The following AHCTF1 variants were observed in gnomAD, a reference collection of about 807,000 sequenced individuals.
AHCTF1 encodes AT-hook containing transcription factor 1, also known as protein ELYS.
In AHCTF1, 24 loss-of-function variants were observed where a neutral mutation model predicts 248.4. The observed-to-expected ratio is 0.10, with a 90% confidence interval of 0.07 to 0.14. AHCTF1 has a LOEUF of 0.14. AHCTF1 is among the 10% of genes least tolerant of loss of function. The pLI, the probability that AHCTF1 is intolerant of heterozygous loss-of-function variation, is 1.00. For synonymous variants in AHCTF1, 786 were observed against 929.8 expected, an observed-to-expected ratio of 0.85 and a Z score of 2.81; for missense variants, 2,206 against 2,636.2, an observed-to-expected ratio of 0.84 and a Z score of 3.57.
chr1:246,865,755 A>G (rs1006648672), intron 26 of AHCTF1, among the ~76,000 whole-genome samples: 2 of 80,634 alleles, frequency 2.5e-5, no homozygotes, highest in Non-Finnish European at 4.1e-5. Context: ...AATAGTTTAA[A>G]GGTTCTGAGA....
Position 246,839,595 on chromosome 1 carries a change from A to G in AHCTF1, c.*1211T>C. On this transcript the variant is annotated 3_prime_UTR_variant, in exon 36 of 36. Coordinates refer to ENST00000648844, the MANE Select transcript of AHCTF1 (RefSeq NM_001323342.2). ...AACACTTTGCGTAGGCATTTTCACC[A>G]ATTTCTCATTATCTGTATTATTTGG... The G allele has an allele frequency of 1.0e-6, 1 of 985,122 alleles. No individual in the cohort carries two copies. Among genetic ancestry groups the G allele is most frequent in the Non-Finnish European group, 1.2e-6 (1 of 829,248 alleles). 61.0% of individuals were successfully genotyped at this position (985,122 alleles called of 1,614,324 possible). A position where few individuals can be genotyped will look rare whatever the true frequency, so the allele number is the denominator to read the frequency against.
In AHCTF1 at chr1:246,887,330, A is replaced by G; in HGVS notation, c.2353T>C (p.Tyr785His). The change falls in exon 20 of 36, where the codon TAT becomes CAT. Residue 785 changes from tyrosine (Y) to histidine (H), a missense_variant. Transcript: ENST00000648844. ...ITIYLLLDIM[Y>H]SFPNKTDTPI... ...GTGTCTGTTTTGTTGGGAAAGGAATACATAATATCAAGTAGCAAATAAATG... is the reference window on the plus strand; with the variant it reads ...GTGTCTGTTTTGTTGGGAAAGGAATGCATAATATCAAGTAGCAAATAAATG... 5 of 1,611,560 alleles carry G rather than the reference A, an allele frequency of 3.1e-6. No individual in the cohort carries two copies. Among genetic ancestry groups the G allele is most frequent in the Middle Eastern group, 1.7e-4 (1 of 6,050 alleles).
chr1:246,906,685 T>C (rs1359786461), intron 5 of AHCTF1, among the ~76,000 whole-genome samples: 1 of 152,070 alleles, frequency 6.6e-6, no homozygotes, highest in Admixed American at 6.6e-5. Context: ...CCAGTATGCC[T>C]CAGGAAAAAT....
At chr1:246,931,157 A>G in intron 1 of AHCTF1, 2 of 1,550,232 alleles carry the variant, frequency 1.3e-6, no homozygotes, top group Non-Finnish European at 1.7e-6. Context: ...CATGTGGAAC[A>G]CACGCCAACA....
At chr1:246,860,809 G>A (rs185059329) in intron 29 of AHCTF1, 90 bp downstream of exon 29, 89 of 1,503,654 alleles carry the variant, frequency 5.9e-5, no homozygotes, top group Non-Finnish European at 7.5e-5. Context: ...ACCTGGCTAG[G>A]ATGCTTTTCT....
chr1:246,860,897 A>G lies in AHCTF1; in HGVS notation c.4132+2T>C, dbSNP rs1333134370. On this transcript the variant is annotated splice_donor_variant, in intron 29 of 35. Coordinates refer to ENST00000648844, the MANE Select transcript of AHCTF1 (RefSeq NM_001323342.2). LOFTEE classifies it high-confidence loss of function. ...TTTGAGTATTCAGAAATGAGTTCTT[A>G]CCCATTTGTTTCTGTAGGTCTGAAG... is the stretch of plus-strand genomic sequence containing the variant. 3 of 1,606,304 alleles carry G rather than the reference A, an allele frequency of 1.9e-6. No individual in the cohort carries two copies. The South Asian group carries it at 3.3e-5, about 18-fold the overall frequency.
In AHCTF1 at chr1:246,840,303, A is replaced by G. The variant is rs1195220394; in HGVS notation, c.*503T>C. On this transcript the variant is annotated 3_prime_UTR_variant, in exon 36 of 36. Coordinates refer to ENST00000648844, the MANE Select transcript of AHCTF1 (RefSeq NM_001323342.2). Reference sequence around the variant, plus strand: ...GGCAAAATGACATGCCCATAATTCAATTTTAACATAGTAACAGCCAAAAAC... The same window carrying G: ...GGCAAAATGACATGCCCATAATTCAGTTTTAACATAGTAACAGCCAAAAAC... 2.6e-5 allele frequency: 4 copies of G among 152,682 alleles called. No individual in the cohort carries two copies. The South Asian group carries it at 8.3e-4, about 32-fold the overall frequency. The allele number at this position is 152,682 out of a possible 1,614,324, so 9.5% of individuals were successfully genotyped here.
intron 33 of AHCTF1, among the ~76,000 whole-genome samples, chr1:246,848,870 C>G (rs1277793694): frequency 2.8e-5 from 4 of 141,386 alleles, no homozygotes; most frequent in African/African-American, 1.2e-4. Context: ...CACAAACCCC[C>G]TACATTTTGT....
At chr1:246,868,411 G>A (rs1662190407) in intron 24 of AHCTF1, among the ~76,000 whole-genome samples, 3 of 143,672 alleles carry the variant, frequency 2.1e-5, no homozygotes, top group Admixed American at 6.7e-5. Flanking sequence ...GTGAGCCACT[G>A]CGCCTGGCAA....
chr1:246,913,181 A>C (rs2103214374), intron 4 of AHCTF1, 51 bp downstream of exon 4: 1 of 1,441,276 alleles, frequency 6.9e-7, no homozygotes, highest in Middle Eastern at 2.7e-4. Flanking sequence ...AAAATATTGC[A>C]TCAGAATATC....
chr1:246,914,810 G>A (rs1355850603), intron 3 of AHCTF1, among the ~76,000 whole-genome samples: 1 of 152,058 alleles, frequency 6.6e-6, no homozygotes, highest in Non-Finnish European at 1.5e-5. Context: ...ACCAGTTCAG[G>A]AACCTTGTTT....
intron 5 of AHCTF1, 82 bp downstream of exon 5, chr1:246,907,469 A>C (rs1665474141): frequency 8.0e-7 from 1 of 1,250,180 alleles, no homozygotes; most frequent in Admixed American, 2.6e-5. Context: ...CACTATGCTA[A>C]CTTTCAAATA....
chr1:246,930,345 T>C (rs1347295904), intron 1 of AHCTF1, among the ~76,000 whole-genome samples: 1 of 151,644 alleles, frequency 6.6e-6, no homozygotes, highest in African/African-American at 2.4e-5. Context: ...TTCAAGATAA[T>C]TATTGTTGTT....
chr1:246,863,181 A>G (rs928579084), intron 27 of AHCTF1, among the ~76,000 whole-genome samples: 5 of 152,184 alleles, frequency 3.3e-5, no homozygotes, highest in South Asian at 2.1e-4. Context: ...ACTTATTTTA[A>G]TAAGTATTTT....
chr1:246,900,227 T>A lies in AHCTF1; in HGVS notation c.1270A>T (p.Asn424Tyr). The change falls in exon 10 of 36, where the codon AAT becomes TAT. Residue 424 changes from asparagine (N) to tyrosine (Y), a missense_variant. Transcript: ENST00000648844. ...DSLRSGEYLHNCSYFALWSLE... is the reference protein window; with the variant it reads ...DSLRSGEYLHYCSYFALWSLE... ...GACCACAGTGCAAAATAAGAGCAAT[T>A]ATGTAGATATTCTCCTGACCTAAAA... 6.3e-7 allele frequency: 1 copy of A among 1,593,178 alleles called. No individual in the cohort carries two copies. Among genetic ancestry groups the A allele is most frequent in the South Asian group, 1.2e-5 (1 of 86,292 alleles).
At chr1:246,926,671 C>A (rs1558286753) in intron 1 of AHCTF1, among the ~76,000 whole-genome samples, 1 of 152,016 alleles carries the variant, frequency 6.6e-6, no homozygotes, top group African/African-American at 2.4e-5. Context: ...GCCTCACTAA[C>A]AGGGTGAAAT....
At chr1:246,931,108 T>C (rs1480518971) in intron 1 of AHCTF1, 10 of 1,547,724 alleles carry the variant, frequency 6.5e-6, no homozygotes, top group Non-Finnish European at 4.4e-6. Flanking sequence ...GTCCAACTTC[T>C]TCCCCGCCAG....
chr1:246,869,891 C>T (rs1343929640), intron 24 of AHCTF1, among the ~76,000 whole-genome samples: 1 of 152,124 alleles, frequency 6.6e-6, no homozygotes, highest in Non-Finnish European at 1.5e-5. Flanking sequence ...AAATACATTT[C>T]ATAAAGCTAT....
intron 29 of AHCTF1, among the ~76,000 whole-genome samples, chr1:246,858,201 C>A (rs1661247447): frequency 6.6e-6 from 1 of 151,956 alleles, no homozygotes; most frequent in Non-Finnish European, 1.5e-5. Context: ...CCTCGTGATC[C>A]ACCCACCTGG....
Sources: gnomAD v4.1 joint callset for allele counts (sites outside exome capture counted in the v4.1 genomes callset) on GRCh38, gnomAD v4.1.1 for gene constraint, MANE v1.5 for transcripts, NCBI Gene and HGNC (gene_info 2026-07-23, HGNC 2026-07-21) for gene names.